The following BICRA variants were observed in gnomAD, a reference collection of about 807,000 sequenced individuals.
The protein encoded by BICRA is BRD4 interacting chromatin remodeling complex associated protein, also known as BRD4-interacting chromatin-remodeling complex-associated protein.
A neutral mutation model predicts 96.9 loss-of-function variants in BICRA; 31 were observed. That is an observed-to-expected ratio of 0.32 (90% CI 0.24 to 0.43). The LOEUF (loss-of-function observed/expected upper bound fraction) is 0.43. Among genes scored for constraint, BICRA ranks in the 20% least tolerant of loss-of-function variants. The probability of loss-of-function intolerance (pLI) is 1.00; values close to 1 mark genes in which losing one functional copy is unlikely to be tolerated. For missense variants in BICRA, 2,283 were observed against 2,190.3 expected (o/e 1.04, Z -0.84); for synonymous variants, 1,350 against 1,071.8 (o/e 1.26, Z -5.07).
Position 47,702,546 on chromosome 19 carries a change from C to T in BICRA, c.*131C>T, listed in dbSNP as rs1037258666. Reference sequence around the variant, plus strand: ...TTTTTCTTGCCTAAGTTATTTGAGTCACAAAGGCCTCCTTCCCTGCCGCCT... The same window carrying T: ...TTTTTCTTGCCTAAGTTATTTGAGTTACAAAGGCCTCCTTCCCTGCCGCCT... On this transcript the variant is annotated 3_prime_UTR_variant, in exon 15 of 15. Coordinates refer to ENST00000594866, the MANE Select transcript of BICRA (RefSeq NM_001394372.1). 2 of 1,081,008 alleles carry T rather than the reference C, an allele frequency of 1.9e-6. No individual in the cohort carries two copies. Among genetic ancestry groups the T allele is most frequent in the Non-Finnish European group, 2.5e-6 (2 of 806,312 alleles). The allele number at this position is 1,081,008 out of a possible 1,614,324, so 67.0% of individuals were successfully genotyped here.
chr19:47,679,571 T>G lies in BICRA; in HGVS notation c.401T>G (p.Leu134Arg), dbSNP rs1972995217. The change falls in exon 6 of 15, where the codon CTG becomes CGG. Residue 134 changes from leucine to arginine, a missense_variant. Coordinates refer to ENST00000594866, the MANE Select transcript of BICRA (RefSeq NM_001394372.1). ...CTGGGTCCCTTCCAGCTGCCCACCC[T>G]GCAGCCTGCGGATGGCGGGGCAGGC... ...LDLGPFQLPT[L>R]QPADGGAGPT... is the part of the protein sequence containing the mutation. 58 of 1,543,866 alleles carry G rather than the reference T, an allele frequency of 3.8e-5. No homozygotes were observed. Among genetic ancestry groups the G allele is most frequent in the Non-Finnish European group, 5.0e-5 (57 of 1,144,570 alleles).
At chr19:47,609,625 GGCCCCCTCCCCTC>G in intron 1 of BICRA, among the ~76,000 whole-genome samples, 1 of 150,258 alleles carries the variant, frequency 6.7e-6, no homozygotes, top group Admixed American at 6.6e-5. Flanking sequence ...TCCCCGTCCC[GGCCCCCTCCCCTC>G]GCCCCGCTCC....
intron 1 of BICRA, chr19:47,662,660 A>AG (rs1972721297): frequency 6.6e-6 from 1 of 152,348 alleles, no homozygotes; most frequent in African/African-American, 2.4e-5. Context: ...AACAAGAGCA[A>AG]GACTCCATCT....
Position 47,609,181 on chromosome 19 carries a change from C to G in BICRA, c.-108+13C>G, listed in dbSNP as rs889269901. Reference sequence around the variant, plus strand: ...CTCAAACATCAGGGTGAGTTTCTCACAATGTAGCAATTTCTCTTTAAATCT... The same window carrying G: ...CTCAAACATCAGGGTGAGTTTCTCAGAATGTAGCAATTTCTCTTTAAATCT... On this transcript the variant is annotated intron_variant, in intron 1 of 14. Transcript: ENST00000594866. 1 of 149,996 alleles carries G rather than the reference C, an allele frequency of 6.7e-6. No homozygotes were observed. Among genetic ancestry groups the G allele is most frequent in the Non-Finnish European group, 1.5e-5 (1 of 67,538 alleles). 9.3% of individuals were successfully genotyped at this position (149,996 alleles called of 1,614,324 possible).
In BICRA at chr19:47,695,219, GC is replaced by G. The variant is rs1973317046; in HGVS notation, c.3076+141del. On this transcript the variant is annotated intron_variant, in intron 9 of 14. Transcript: ENST00000594866. ...GCCAGAACTCAAGGGACACAGGAAG[GC>G]CAGAGGTGGCAGGGCTGGCCCCAGA... The G allele has an allele frequency of 1.8e-5, 14 of 767,808 alleles. No individual in the cohort carries two copies. In the Admixed American group the frequency reaches 3.5e-4, roughly 19 times the overall value. The allele number at this position is 767,808 out of a possible 1,614,324, so 47.6% of individuals were successfully genotyped here.
At chr19:47,622,568 C>CA (rs1017459410) in intron 1 of BICRA, among the ~76,000 whole-genome samples, 4 of 149,982 alleles carry the variant, frequency 2.7e-5, no homozygotes, top group African/African-American at 7.4e-5. Context: ...ACTAAAAATA[C>CA]AAAAAATTAG....
Position 47,680,505 on chromosome 19 carries a change from A to G in BICRA, c.1335A>G (p.Lys445=). ...APPQPPGALS[K]PMSVHLLNQG... is the part of the protein sequence containing the mutation. Reference sequence around the variant, plus strand: ...CGCAGCCCCCCGGGGCCCTGAGCAAACCCATGAGCGTCCACCTCCTGAACC... The same window carrying G: ...CGCAGCCCCCCGGGGCCCTGAGCAAGCCCATGAGCGTCCACCTCCTGAACC... Residue 445 remains lysine (K), a synonymous_variant, in exon 6 of 15, where the codon AAA becomes AAG. Coordinates refer to ENST00000594866, the MANE Select transcript of BICRA (RefSeq NM_001394372.1). 1 of 1,543,108 alleles carries G rather than the reference A, an allele frequency of 6.5e-7. No homozygotes were observed. Among genetic ancestry groups the G allele is most frequent in the Non-Finnish European group, 8.7e-7 (1 of 1,144,980 alleles).
intron 1 of BICRA, among the ~76,000 whole-genome samples, chr19:47,669,494 C>T (rs1972830914): frequency 6.6e-6 from 1 of 151,476 alleles, no homozygotes; most frequent in Non-Finnish European, 1.5e-5. Context: ...TACTGAAGTG[C>T]CAGTAAATGA....
At chr19:47,625,755 G>T (rs1972130577) in intron 1 of BICRA, among the ~76,000 whole-genome samples, 1 of 152,090 alleles carries the variant, frequency 6.6e-6, no homozygotes, top group African/African-American at 2.4e-5. Flanking sequence ...AGTGGAGAGG[G>T]TGTGAAGGCA....
chr19:47,682,615 C>T (rs757298697), intron 7 of BICRA, among the ~76,000 whole-genome samples: 25 of 151,582 alleles, frequency 1.6e-4, no homozygotes, highest in Non-Finnish European at 3.2e-4. Flanking sequence ...CTTCTGCCTG[C>T]GGTATTGCAT....
chr19:47,671,524 G>C (rs1456207096), intron 2 of BICRA, among the ~76,000 whole-genome samples: 2 of 152,054 alleles, frequency 1.3e-5, no homozygotes, highest in East Asian at 3.9e-4. Flanking sequence ...GAGGAGACGG[G>C]AGCAGAGGGT....
At chr19:47,616,553 C>T (rs528229627) in intron 1 of BICRA, among the ~76,000 whole-genome samples, 11 of 151,862 alleles carry the variant, frequency 7.2e-5, no homozygotes, top group African/African-American at 2.2e-4. Flanking sequence ...GCATGAGAAT[C>T]GCTTGAAACT....
chr19:47,647,397 C>G (rs2123543469), intron 1 of BICRA, among the ~76,000 whole-genome samples: 1 of 152,162 alleles, frequency 6.6e-6, no homozygotes, highest in East Asian at 1.9e-4. Context: ...TGTATATCGC[C>G]CAGCAATGCA....
At chr19:47,678,181 T>C (rs982703735) in intron 5 of BICRA, among the ~76,000 whole-genome samples, 1 of 152,160 alleles carries the variant, frequency 6.6e-6, no homozygotes, top group Non-Finnish European at 1.5e-5. Context: ...ATTGGTAGGA[T>C]CTCAGCTCAT....
At chr19:47,685,799 G>GCGCGCGCGCGCA (rs141802949) in intron 7 of BICRA, among the ~76,000 whole-genome samples, 24 of 148,840 alleles carry the variant, frequency 1.6e-4, no homozygotes, top group East Asian at 5.9e-4. Context: ...GCGCGCGCGC[G>GCGCGCGCGCGCA]CATGCGTACA....
chr19:47,622,499 C>T (rs1213030625), intron 1 of BICRA, among the ~76,000 whole-genome samples: 6 of 143,756 alleles, frequency 4.2e-5, no homozygotes, highest in East Asian at 2.2e-4. Context: ...CTGAGGCGGG[C>T]AGATCACGAG....
At position 47,619,202 on chromosome 19, in the gene BICRA, A is replaced by ATG. The variant is rs1568546467; in HGVS notation, c.-108+10035_-108+10036insGT. On this transcript the variant is annotated intron_variant, in intron 1 of 14. Coordinates refer to ENST00000594866, the MANE Select transcript of BICRA (RefSeq NM_001394372.1). ...AGTGTATATATATATGTATATATAC[A>ATG]TATATATATACACATTTTTTTTCCC... Among the ~76,000 whole-genome samples, 3 of 3,278 alleles carry ATG rather than the reference A, an allele frequency of 9.2e-4. No individual in the cohort carries two copies. In the Admixed American group the frequency reaches 0.014, roughly 15 times the overall value. The allele number at this position is 3,278 out of a possible 152,430, so 2.2% of individuals were successfully genotyped here.
In BICRA at chr19:47,651,802, A is replaced by C. The variant is rs141659457; in HGVS notation, c.-107-18641A>C. Among the ~76,000 whole-genome samples the C allele has an allele frequency of 4.6e-5, 7 of 152,330 alleles. No individual in the cohort carries two copies. The East Asian group carries it at 1.4e-3, about 29-fold the overall frequency. ...GCAGACAATGCTGGTTCCAAGACCTAGAGAAGGGTGGGCTGGAGTTATTTA... is the reference window on the plus strand; with the variant it reads ...GCAGACAATGCTGGTTCCAAGACCTCGAGAAGGGTGGGCTGGAGTTATTTA... On this transcript the variant is annotated intron_variant, in intron 1 of 14. Coordinates refer to ENST00000594866, the MANE Select transcript of BICRA (RefSeq NM_001394372.1).
rs568483084 is a variant in BICRA at position 47,680,787 on chromosome 19, G to A, written c.1617G>A (p.Ala539=). Residue 539 remains alanine (A), a synonymous_variant, in exon 6 of 15, where the codon GCG becomes GCA. Transcript: ENST00000594866. ...VLAPHSGAHS[A]HILSAAPIQV... ...CCCCCCACTCCGGGGCCCACAGCGC[G>A]CACATCCTCTCCGCCGCTCCCATCC... 918 of 1,609,930 alleles carry A rather than the reference G, an allele frequency of 5.7e-4. 10 individuals carry two copies. The South Asian group carries it at 9.5e-3, about 17-fold the overall frequency.
Sources: allele counts gnomAD v4.1 joint callset (sites outside exome capture counted in the v4.1 genomes callset), GRCh38; gene constraint gnomAD v4.1.1; transcripts MANE v1.5; gene names NCBI Gene and HGNC (gene_info 2026-07-23, HGNC 2026-07-21).